CUL3: variants seen among roughly 807,000 people sequenced by gnomAD.
CUL3 encodes the protein cullin 3.
In CUL3, 19 loss-of-function variants were observed where a neutral mutation model predicts 89.1. The ratio of observed to expected loss-of-function variants is 0.21; its 90% CI spans 0.15 to 0.31. The LOEUF (loss-of-function observed/expected upper bound fraction) is 0.31, where lower values mean the gene tolerates loss of function less well. CUL3 is among the 10% of genes least tolerant of loss of function. The pLI, the probability that CUL3 is intolerant of heterozygous loss-of-function variation, is 1.00. For missense variants in CUL3, 469 were observed against 942.3 expected (o/e 0.50, Z 6.58); for synonymous variants, 351 against 308.4 (o/e 1.14, Z -1.45).
intron 2 of CUL3, among the ~76,000 whole-genome samples, chr2:224,547,834 A>G (rs901783982): frequency 1.3e-5 from 2 of 152,176 alleles, no homozygotes; most frequent in Non-Finnish European, 2.9e-5. Context: ...TATAAAAGGA[A>G]GTCTGTTTAA....
intron 13 of CUL3, among the ~76,000 whole-genome samples, chr2:224,491,562 TCTTC>T (rs1336606186): frequency 3.3e-5 from 5 of 152,186 alleles, no homozygotes; most frequent in African/African-American, 1.2e-4. Context: ...TTCATTCCTT[TCTTC>T]TTCTTAGTAT....
intron 2 of CUL3, among the ~76,000 whole-genome samples, chr2:224,537,687 C>T (rs1693946369): frequency 6.6e-6 from 1 of 152,028 alleles, no homozygotes; most frequent in Non-Finnish European, 1.5e-5. Flanking sequence ...GCAATCTACG[C>T]TACATACAAA....
intron 2 of CUL3, among the ~76,000 whole-genome samples, chr2:224,554,493 A>G (rs922874388): frequency 6.6e-6 from 1 of 152,230 alleles, no homozygotes; most frequent in Non-Finnish European, 1.5e-5. Context: ...GCAGATCTAC[A>G]GAGAATTCAA....
chr2:224,515,727 A>G (rs1374018857), intron 3 of CUL3, among the ~76,000 whole-genome samples: 1 of 150,208 alleles, frequency 6.7e-6, no homozygotes, highest in Non-Finnish European at 1.5e-5. Flanking sequence ...AGTCTCATTC[A>G]CTCTGTTGTC....
At chr2:224,544,715 A>G (rs1002205292) in intron 2 of CUL3, among the ~76,000 whole-genome samples, 3 of 150,622 alleles carry the variant, frequency 2.0e-5, no homozygotes, top group African/African-American at 7.3e-5. Context: ...ATCATACCAC[A>G]GTGGTATGAC....
intron 1 of CUL3, among the ~76,000 whole-genome samples, chr2:224,567,160 T>C (rs968767543): frequency 2.6e-5 from 4 of 152,320 alleles, no homozygotes; most frequent in East Asian, 1.9e-4. Flanking sequence ...AACTTTTTAC[T>C]ACACTACAGA....
intron 1 of CUL3, chr2:224,569,713 TGA>T (rs1287867297): frequency 1.6e-6 from 2 of 1,217,758 alleles, no homozygotes; most frequent in Admixed American, 3.1e-5. Flanking sequence ...CTGTGATTAC[TGA>T]GAGAACTACA....
Position 224,524,196 on chromosome 2 carries a change from C to T in CUL3, c.379-9424G>A, listed in dbSNP as rs572953674. ...GAAAAGGCAAACATACTGAGAGGAG[C>T]CCCATACCAGCCTTCACTGGTTCCC... On this transcript the variant is annotated intron_variant, in intron 3 of 15. Coordinates refer to ENST00000264414, the MANE Select transcript of CUL3 (RefSeq NM_003590.5). Among the ~76,000 whole-genome samples the T allele has an allele frequency of 2.6e-5, 4 of 152,170 alleles. No individual in the cohort carries two copies. In the South Asian group the frequency reaches 8.3e-4, roughly 32 times the overall value.
intron 2 of CUL3, among the ~76,000 whole-genome samples, chr2:224,537,918 T>C (rs1369193776): frequency 6.6e-6 from 1 of 152,206 alleles, no homozygotes; most frequent in Non-Finnish European, 1.5e-5. Context: ...AGGCATGTTC[T>C]TTCAAATCAC....
intron 3 of CUL3, among the ~76,000 whole-genome samples, chr2:224,525,870 T>C (rs577837505): frequency 2.0e-5 from 3 of 152,366 alleles, no homozygotes; most frequent in African/African-American, 7.2e-5. Flanking sequence ...TTTAAGATGG[T>C]ATAAAACTTA....
intron 2 of CUL3, among the ~76,000 whole-genome samples, chr2:224,550,279 G>C (rs1165848089): frequency 6.6e-6 from 1 of 152,190 alleles, no homozygotes; most frequent in African/African-American, 2.4e-5. Flanking sequence ...CATAGCCTGA[G>C]GGTAATGTTA....
intron 2 of CUL3, among the ~76,000 whole-genome samples, chr2:224,537,395 T>A (rs1693936147): frequency 1.3e-5 from 2 of 152,224 alleles, no homozygotes; most frequent in South Asian, 4.1e-4. Context: ...TTTTATCATA[T>A]ATTTAATCTT....
chr2:224,503,143 AAATT>A, intron 9 of CUL3, 71 bp from the exon 10 acceptor site: 1 of 993,190 alleles, frequency 1.0e-6, no homozygotes, highest in Non-Finnish European at 1.6e-6. Context: ...AGAAAGAAAT[AAATT>A]ATTTCATGTT....
chr2:224,582,506 C>CT (rs2042030226), intron 1 of CUL3, among the ~76,000 whole-genome samples: 1 of 152,178 alleles, frequency 6.6e-6, no homozygotes, highest in African/African-American at 2.4e-5. Context: ...GTTATTAATA[C>CT]TTATTAAACA....
At chr2:224,529,591 T>C (rs1362143465) in intron 3 of CUL3, among the ~76,000 whole-genome samples, 1 of 151,678 alleles carries the variant, frequency 6.6e-6, no homozygotes. Context: ...ATCGTGCCAC[T>C]GTACTCCGAG....
At chr2:224,529,649 G>GT (rs1693617061) in intron 3 of CUL3, among the ~76,000 whole-genome samples, 1 of 151,918 alleles carries the variant, frequency 6.6e-6, no homozygotes, top group Non-Finnish European at 1.5e-5. Context: ...ATTAACGTAT[G>GT]TAAGTAAAGC....
chr2:224,472,471 C>A lies in CUL3; in HGVS notation c.*1774G>T, dbSNP rs13016316. The A allele has an allele frequency of 0.097, 18,935 of 194,346 alleles. 1,318 individuals carry two copies. The highest frequency in any genetic ancestry group is 0.28 in the East Asian group (3,421 of 12,164). The allele number at this position is 194,346 out of a possible 1,614,324, so 12.0% of individuals were successfully genotyped here. A position where few individuals can be genotyped will look rare whatever the true frequency, so the allele number is the denominator to read the frequency against. On this transcript the variant is annotated 3_prime_UTR_variant, in exon 16 of 16. Transcript: ENST00000264414. ...CCATTACTTTCCTATAAACATCTTA[C>A]CATTATAGAAAATTTCCAATTATGT...
At position 224,476,212 on chromosome 2, in the gene CUL3, T is replaced by A. The variant is rs551605818; in HGVS notation, c.2176-1836A>T. On this transcript the variant is annotated intron_variant, in intron 15 of 15. Coordinates refer to ENST00000264414, the MANE Select transcript of CUL3 (RefSeq NM_003590.5). ...TTTGTATTTTCAGTAGGACGGGGTT[T>A]CGCTGTGTTTGTCAGGCTGGTCTTG... is the stretch of plus-strand genomic sequence containing the variant. Among the ~76,000 whole-genome samples the A allele has an allele frequency of 2.1e-3, 320 of 152,240 alleles. 4 individuals carry two copies. The highest frequency in any genetic ancestry group is 6.9e-3 in the African/African-American group (288 of 41,538).
chr2:224,537,665 G>T lies in CUL3; in HGVS notation c.265-2024C>A, dbSNP rs1021990418. 7.2e-5 allele frequency among the ~76,000 whole-genome samples: 11 copies of T among 152,140 alleles called. No homozygotes were observed. The East Asian group carries it at 1.2e-3, about 16-fold the overall frequency. ...AGAGTAGCAATTAAATTAAAATCAT[G>T]ACAATGCAAGAGCAATCTACGCTAC... On this transcript the variant is annotated intron_variant, in intron 2 of 15. Coordinates refer to ENST00000264414, the MANE Select transcript of CUL3 (RefSeq NM_003590.5).
Sources: gnomAD v4.1 joint callset for allele counts (sites outside exome capture counted in the v4.1 genomes callset) on GRCh38, gnomAD v4.1.1 for gene constraint, MANE v1.5 for transcripts, NCBI Gene and HGNC (gene_info 2026-07-23, HGNC 2026-07-21) for gene names.